The following TULP4 variants were observed in gnomAD, a reference collection of about 807,000 sequenced individuals.
TULP4 encodes the protein TUB like protein 4.
Under a neutral mutation model 129.0 loss-of-function variants are expected in TULP4, and 16 were observed. The ratio of observed to expected loss-of-function variants is 0.12; its 90% CI spans 0.08 to 0.19. TULP4 has a LOEUF of 0.19. Ranked by LOEUF, TULP4 falls within the 10% of genes least tolerant of loss-of-function variation. TULP4 has a pLI of 1.00. For synonymous variants in TULP4, 998 were observed against 854.0 expected (o/e 1.17, Z -2.94); for missense variants, 1,842 against 2,059.1 (o/e 0.89, Z 2.04).
chr6:158,500,959 C>T (rs1053499503), intron 12 of TULP4, among the ~76,000 whole-genome samples: 10 of 152,058 alleles, frequency 6.6e-5, no homozygotes, highest in African/African-American at 2.4e-5. Context: ...ACTGGGGAGG[C>T]TGAGGCAGGA....
intron 1 of TULP4, among the ~76,000 whole-genome samples, chr6:158,306,678 A>G (rs1481628784): frequency 1.3e-5 from 2 of 152,204 alleles, no homozygotes; most frequent in Non-Finnish European, 2.9e-5. Flanking sequence ...TGAAGGTCCA[A>G]AGGAACTTTT....
intron 1 of TULP4, among the ~76,000 whole-genome samples, chr6:158,382,754 G>A (rs1777356707): frequency 6.6e-6 from 1 of 152,154 alleles, no homozygotes; most frequent in Non-Finnish European, 1.5e-5. Context: ...AGTAAGCCTG[G>A]AGAAATGGTA....
At chr6:158,278,891 G>A (rs1178843482), upstream of TULP4, among the ~76,000 whole-genome samples, 1 of 151,380 alleles carries the variant, frequency 6.6e-6, no homozygotes, top group Non-Finnish European at 1.5e-5. Flanking sequence ...CTTTCTTTAC[G>A]TAGGCCCCAT....
Position 158,508,694 on chromosome 6 carries a change from CCT to C in TULP4, c.*2001_*2002del, listed in dbSNP as rs1244540132. 1 of 152,376 alleles carries C rather than the reference CCT, an allele frequency of 6.6e-6. No individual in the cohort carries two copies. The highest frequency in any genetic ancestry group is 1.5e-5 in the Non-Finnish European group (1 of 68,014). The allele number at this position is 152,376 out of a possible 1,614,324, so 9.4% of individuals were successfully genotyped here. On this transcript the variant is annotated 3_prime_UTR_variant, in exon 14 of 14. Coordinates refer to ENST00000367097, the MANE Select transcript of TULP4 (RefSeq NM_020245.5). ...TGTTAGATAATCTAAATGCAATTCCCCTGTTTTGTCGTTTAGGAGATAATTAT... is the reference window on the plus strand; with the variant it reads ...TGTTAGATAATCTAAATGCAATTCCCGTTTTGTCGTTTAGGAGATAATTAT...
At chr6:158,309,030 G>A (rs1375475974), upstream of TULP4, among the ~76,000 whole-genome samples, 1 of 143,130 alleles carries the variant, frequency 7.0e-6, no homozygotes, top group Non-Finnish European at 1.5e-5. Flanking sequence ...CCTGGCGGGG[G>A]CTGACCCCCA....
chr6:158,247,462 C>A (rs540821813), intron 1 of TULP4, among the ~76,000 whole-genome samples: 1 of 152,334 alleles, frequency 6.6e-6, no homozygotes, highest in South Asian at 2.1e-4. Context: ...TGTTGCTCAG[C>A]AATTTTGAAT....
intron 1 of TULP4, among the ~76,000 whole-genome samples, chr6:158,328,787 C>T (rs535678735): frequency 2.0e-5 from 3 of 152,182 alleles, no homozygotes; most frequent in African/African-American, 7.2e-5. Flanking sequence ...TTGTGCAGTT[C>T]ATTCATCTTC....
chr6:158,509,181 C>T lies in TULP4; in HGVS notation c.*2487C>T, dbSNP rs1173140122. 6.6e-6 allele frequency: 1 copy of T among 151,938 alleles called. No homozygotes were observed. Among genetic ancestry groups the T allele is most frequent in the African/African-American group, 2.4e-5 (1 of 41,272 alleles). 9.4% of individuals were successfully genotyped at this position (151,938 alleles called of 1,614,324 possible). A position where few individuals can be genotyped will look rare whatever the true frequency, so the allele number is the denominator to read the frequency against. ...CTGGGATTACAGACGTGAGCCACCA[C>T]TCCCGGCCCATAGAAGGTTTTTTGC... On this transcript the variant is annotated 3_prime_UTR_variant, in exon 14 of 14. Coordinates refer to ENST00000367097, the MANE Select transcript of TULP4 (RefSeq NM_020245.5).
intron 5 of TULP4, among the ~76,000 whole-genome samples, chr6:158,458,476 G>A (rs1449693876): frequency 4.6e-5 from 7 of 152,140 alleles, no homozygotes; most frequent in African/African-American, 1.7e-4. Context: ...AGAGACTCTG[G>A]GCCACGAGCT....
intron 1 of TULP4, among the ~76,000 whole-genome samples, chr6:158,269,478 C>A (rs1778508489): frequency 6.6e-6 from 1 of 151,498 alleles, no homozygotes; most frequent in South Asian, 2.1e-4. Context: ...ATGGAGAAAT[C>A]ATTAGCATTC....
At chr6:158,430,187 A>G (rs1379485557) in intron 3 of TULP4, among the ~76,000 whole-genome samples, 1 of 152,236 alleles carries the variant, frequency 6.6e-6, no homozygotes, top group Non-Finnish European at 1.5e-5. Flanking sequence ...GATATTAGAT[A>G]TCAAGTAAGT....
At chr6:158,367,137 C>T (rs1776936107) in intron 1 of TULP4, among the ~76,000 whole-genome samples, 1 of 152,202 alleles carries the variant, frequency 6.6e-6, no homozygotes, top group Admixed American at 6.5e-5. Flanking sequence ...CCACTGTCAC[C>T]TCTTTTCTTT....
chr6:158,395,747 T>C (rs1050100257), intron 1 of TULP4, among the ~76,000 whole-genome samples: 7 of 151,288 alleles, frequency 4.6e-5, no homozygotes, highest in Admixed American at 2.6e-4. Flanking sequence ...AGTGGGAACA[T>C]GTGGAAACAA....
At chr6:158,237,397 G>T in intron 1 of TULP4, 4 of 1,611,304 alleles carry the variant, frequency 2.5e-6, no homozygotes, top group Admixed American at 3.3e-5. Flanking sequence ...TGTTGCTGGA[G>T]CCCCTGCAGG....
intron 6 of TULP4, among the ~76,000 whole-genome samples, chr6:158,464,737 C>T (rs1008654038): frequency 6.6e-6 from 1 of 152,176 alleles, no homozygotes; most frequent in East Asian, 1.9e-4. Context: ...ACTTAAGTAG[C>T]AGGCTTCAGG....
intron 1 of TULP4, among the ~76,000 whole-genome samples, chr6:158,406,871 T>C (rs887344757): frequency 6.6e-6 from 1 of 152,232 alleles, no homozygotes; most frequent in African/African-American, 2.4e-5. Flanking sequence ...TGTTTCCTGG[T>C]ACATGTCCTA....
intron 4 of TULP4, among the ~76,000 whole-genome samples, chr6:158,451,292 G>T (rs554073056): frequency 1.3e-5 from 2 of 152,320 alleles, no homozygotes; most frequent in African/African-American, 4.8e-5. Context: ...GGGAATTTGA[G>T]TGTGGAGGTC....
At chr6:158,347,424 G>A (rs187377910) in intron 1 of TULP4, among the ~76,000 whole-genome samples, 202 of 152,256 alleles carry the variant, frequency 1.3e-3, no homozygotes, top group Non-Finnish European at 2.1e-3. Flanking sequence ...GTTTGGATTA[G>A]TGCACTGACA....
chr6:158,278,701 A>G (rs1231661727), upstream of TULP4, among the ~76,000 whole-genome samples: 1 of 152,014 alleles, frequency 6.6e-6, no homozygotes, highest in Non-Finnish European at 1.5e-5. Context: ...TTGTTTTTTA[A>G]TAGGTGCCAG....
Sources: gnomAD v4.1 joint callset for allele counts (sites outside exome capture counted in the v4.1 genomes callset) on GRCh38, gnomAD v4.1.1 for gene constraint, MANE v1.5 for transcripts, NCBI Gene and HGNC (gene_info 2026-07-23, HGNC 2026-07-21) for gene names.